Variants in B3GALT1 observed in about 807,000 individuals in gnomAD.
B3GALT1 encodes the protein UDP-Gal:betaGlcNAc beta 1,3-galactosyltransferase, polypeptide 1.
In B3GALT1, 10 loss-of-function variants were observed where a neutral mutation model predicts 23.2. The observed-to-expected ratio is 0.43, with a 90% CI of 0.27 to 0.73. B3GALT1 has a LOEUF of 0.73. Ranked by LOEUF, B3GALT1 falls within the 30% of genes least tolerant of loss-of-function variation. B3GALT1 has a pLI of 0.21. For missense variants in B3GALT1, 299 were observed against 405.4 expected (o/e 0.74, Z 2.25); for synonymous variants, 156 against 141.5 (o/e 1.10, Z -0.73).
intron 1 of B3GALT1, among the ~76,000 whole-genome samples, chr2:167,399,392 T>C (rs534873589): frequency 6.6e-6 from 1 of 152,280 alleles, no homozygotes; most frequent in African/African-American, 2.4e-5. Flanking sequence ...CTGTAAAATA[T>C]AATTACAGCC....
chr2:167,357,339 A>T (rs1335131923), intron 1 of B3GALT1, among the ~76,000 whole-genome samples: 1 of 152,114 alleles, frequency 6.6e-6, no homozygotes, highest in Admixed American at 6.5e-5. Flanking sequence ...AAAAATATGT[A>T]GTTAAAAAAC....
At chr2:167,301,951 A>G (rs1696454224) in intron 1 of B3GALT1, among the ~76,000 whole-genome samples, 4 of 152,330 alleles carry the variant, frequency 2.6e-5, no homozygotes, top group African/African-American at 9.6e-5. Context: ...CACAGGGTGT[A>G]TCAAGATACT....
At chr2:167,354,493 C>T (rs1219440682) in intron 1 of B3GALT1, among the ~76,000 whole-genome samples, 4 of 151,862 alleles carry the variant, frequency 2.6e-5, no homozygotes, top group Non-Finnish European at 4.4e-5. Flanking sequence ...ACTACAGGCA[C>T]GTGCCACCAC....
intron 1 of B3GALT1, among the ~76,000 whole-genome samples, chr2:167,440,363 AAG>A (rs1460469956): frequency 2.7e-5 from 4 of 148,352 alleles, no homozygotes; most frequent in Admixed American, 2.0e-4. Context: ...AAAAAAAAAA[AAG>A]AAATAATTTA....
intron 1 of B3GALT1, among the ~76,000 whole-genome samples, chr2:167,417,034 AC>A (rs1209813657): frequency 3.9e-5 from 6 of 152,106 alleles, no homozygotes; most frequent in Admixed American, 6.6e-5. Context: ...ACAAGATAAG[AC>A]TTTCAGGCTA....
At chr2:167,779,859 C>G (rs1481074736) in intron 3 of B3GALT1, among the ~76,000 whole-genome samples, 1 of 152,202 alleles carries the variant, frequency 6.6e-6, no homozygotes, top group Non-Finnish European at 1.5e-5. Flanking sequence ...TTCTATCCAT[C>G]TGTTCAGAGA....
chr2:167,831,601 A>G (rs182869786), intron 4 of B3GALT1, among the ~76,000 whole-genome samples: 1 of 152,344 alleles, frequency 6.6e-6, no homozygotes, highest in African/African-American at 2.4e-5. Context: ...GAGAATGTGG[A>G]AAGGAGATAT....
chr2:167,455,871 A>G (rs1302322562), intron 1 of B3GALT1, among the ~76,000 whole-genome samples: 1 of 152,156 alleles, frequency 6.6e-6, no homozygotes, highest in Non-Finnish European at 1.5e-5. Flanking sequence ...ATAAATATAC[A>G]TCGAATTGTA....
intron 1 of B3GALT1, among the ~76,000 whole-genome samples, chr2:167,341,667 C>A (rs13428723): frequency 0.016 from 2,420 of 150,264 alleles, 54 homozygotes; most frequent in East Asian, 0.08. Flanking sequence ...ATCTCAAAAA[C>A]AAAAAAAAAG....
Position 167,764,256 on chromosome 2 carries a change from C to T in B3GALT1, c.-351-54416C>T, listed in dbSNP as rs77592946. On this transcript the variant is annotated intron_variant, in intron 3 of 4. Transcript: ENST00000392690. ...TGCACATTGGGTTACCAACATTAGT[C>T]GCCACTGTCATATTCAGAAATTAAT... Among the ~76,000 whole-genome samples the T allele has an allele frequency of 3.0e-4, 45 of 152,254 alleles. No individual in the cohort carries two copies. In the East Asian group the frequency reaches 4.4e-3, roughly 15 times the overall value.
At chr2:167,325,964 C>T (rs1696886439) in intron 1 of B3GALT1, among the ~76,000 whole-genome samples, 1 of 152,018 alleles carries the variant, frequency 6.6e-6, no homozygotes, top group Admixed American at 6.5e-5. Context: ...GGTCCACCCG[C>T]CTTGGCCTCC....
intron 3 of B3GALT1, among the ~76,000 whole-genome samples, chr2:167,797,635 C>T (rs896785906): frequency 6.6e-6 from 1 of 152,194 alleles, no homozygotes; most frequent in African/African-American, 2.4e-5. Context: ...ACCTCACCAA[C>T]ATCTGTTGTT....
intron 2 of B3GALT1, among the ~76,000 whole-genome samples, chr2:167,617,075 C>G (rs1685173572): frequency 6.6e-6 from 1 of 152,038 alleles, no homozygotes; most frequent in Admixed American, 6.6e-5. Context: ...GATCTAGTGA[C>G]TATATGCTAT....
chr2:167,502,373 C>T (rs1699859907), intron 2 of B3GALT1, among the ~76,000 whole-genome samples: 1 of 152,140 alleles, frequency 6.6e-6, no homozygotes, highest in African/African-American at 2.4e-5. Context: ...TGGATGCTTT[C>T]TGAAAAAACC....
chr2:167,471,209 A>C (rs190794219), intron 1 of B3GALT1, among the ~76,000 whole-genome samples: 1 of 152,296 alleles, frequency 6.6e-6, no homozygotes, highest in Non-Finnish European at 1.5e-5. Context: ...CCGTGAATTA[A>C]TTAGCAGATA....
At chr2:167,389,952 C>G (rs539587540) in intron 1 of B3GALT1, among the ~76,000 whole-genome samples, 1 of 146,452 alleles carries the variant, frequency 6.8e-6, no homozygotes, top group South Asian at 2.2e-4. Flanking sequence ...GAAAAGAAAA[C>G]CATCGCATGA....
At chr2:167,374,823 C>T (rs1331859404) in intron 1 of B3GALT1, among the ~76,000 whole-genome samples, 1 of 152,064 alleles carries the variant, frequency 6.6e-6, no homozygotes, top group Non-Finnish European at 1.5e-5. Flanking sequence ...GTTTCTTTTG[C>T]TGTGTAGGAG....
chr2:167,859,618 T>C (rs924198588), intron 4 of B3GALT1, among the ~76,000 whole-genome samples: 1 of 152,162 alleles, frequency 6.6e-6, no homozygotes, highest in Non-Finnish European at 1.5e-5. Context: ...AAGAGAAAGG[T>C]TCAAATCATT....
chr2:167,777,534 G>A (rs1688180778), intron 3 of B3GALT1, among the ~76,000 whole-genome samples: 1 of 152,080 alleles, frequency 6.6e-6, no homozygotes, highest in Non-Finnish European at 1.5e-5. Context: ...TTTCAGTAGA[G>A]ACGTGGTTTC....
Sources: gnomAD v4.1 joint callset for allele counts (sites outside exome capture counted in the v4.1 genomes callset) on GRCh38, gnomAD v4.1.1 for gene constraint, MANE v1.5 for transcripts, NCBI Gene and HGNC (gene_info 2026-07-23, HGNC 2026-07-21) for gene names.